SUCO: variants seen among roughly 807,000 people sequenced by gnomAD.
SUCO encodes SUN domain-containing ossification factor.
In SUCO, 57 loss-of-function variants were observed where a neutral mutation model predicts 148.1. The observed-to-expected ratio is 0.38, with a 90% CI of 0.31 to 0.48. The LOEUF (loss-of-function observed/expected upper bound fraction) is 0.48. Ranked by LOEUF, SUCO falls within the 20% of genes least tolerant of loss-of-function variation. The probability of loss-of-function intolerance (pLI) is 0.96; values close to 1 mark genes in which losing one functional copy is unlikely to be tolerated. For missense variants in SUCO, 1,331 were observed against 1,468.2 expected, an observed-to-expected ratio of 0.91 and a Z score of 1.53; for synonymous variants, 470 against 502.7, an observed-to-expected ratio of 0.93 and a Z score of 0.87.
chr1:172,560,682 C>G (rs1240069380), intron 6 of SUCO, among the ~76,000 whole-genome samples: 1 of 152,154 alleles, frequency 6.6e-6, no homozygotes, highest in Non-Finnish European at 1.5e-5. Flanking sequence ...CCTGAAGGGG[C>G]AAGAGTGGCT....
intron 15 of SUCO, among the ~76,000 whole-genome samples, chr1:172,579,473 T>TA (rs1454471038): frequency 6.6e-6 from 1 of 152,040 alleles, no homozygotes; most frequent in African/African-American, 2.4e-5. Flanking sequence ...GCAATCGTAA[T>TA]AAAGGTGTTT....
intron 1 of SUCO, chr1:172,550,935 T>G (rs963498504): frequency 2.2e-6 from 2 of 911,212 alleles, no homozygotes; most frequent in Non-Finnish European, 2.6e-6. Flanking sequence ...TGATAATAAT[T>G]GTGGTATATT....
chr1:172,553,425 G>A lies in SUCO; in HGVS notation c.288+55G>A, dbSNP rs1369964327. On this transcript the variant is annotated intron_variant, in intron 3 of 23. Transcript: ENST00000263688. ...TATGTCATTTCAAACTACTTTACAA[G>A]ATTGAAAACCTTTGGTCACCATATT... is the stretch of plus-strand genomic sequence containing the variant. 4.6e-6 allele frequency: 6 copies of A among 1,312,816 alleles called. No individual in the cohort carries two copies. In the Admixed American group the frequency reaches 6.1e-5, roughly 13 times the overall value. 81.3% of individuals were successfully genotyped at this position (1,312,816 alleles called of 1,614,324 possible).
chr1:172,589,079 G>A lies in SUCO; in HGVS notation c.1978G>A (p.Val660Met). 6.2e-7 allele frequency: 1 copy of A among 1,613,768 alleles called. No homozygotes were observed. The highest frequency in any genetic ancestry group is 1.1e-5 in the South Asian group (1 of 91,032). ...TALSKGKDYL[V>M]LAQPPLLLPA... ...TTTGAGTAAAGGAAAAGATTATCTT[G>A]TGTTAGCTCAACCACCCTTACTACT... The change falls in exon 18 of 24, where the codon GTG (valine) becomes ATG (methionine). Residue 660 changes from valine to methionine, a missense_variant. Coordinates refer to ENST00000263688, the MANE Select transcript of SUCO (RefSeq NM_014283.5).
chr1:172,541,665 T>C (rs1456529341), intron 1 of SUCO, among the ~76,000 whole-genome samples: 1 of 152,212 alleles, frequency 6.6e-6, no homozygotes, highest in Non-Finnish European at 1.5e-5. Flanking sequence ...TAACTGGATT[T>C]TAGTTTGCCT....
At chr1:172,572,940 T>C (rs553593883) in intron 9 of SUCO, among the ~76,000 whole-genome samples, 2 of 152,124 alleles carry the variant, frequency 1.3e-5, no homozygotes, top group Admixed American at 6.6e-5. Flanking sequence ...TTTTATATTA[T>C]GCACATGGAA....
chr1:172,575,380 G>A, intron 10 of SUCO, 138 bp from the exon 11 acceptor site: 1 of 568,730 alleles, frequency 1.8e-6, no homozygotes. Flanking sequence ...TGTATTAAAT[G>A]TATGTATTTA....
At position 172,573,950 on chromosome 1, in the gene SUCO, A is replaced by C; in HGVS notation, c.1109A>C (p.Glu370Ala). Residue 370 changes from glutamate to alanine, a missense_variant, in exon 10 of 24, where the codon GAA becomes GCA. By Grantham distance (107) the Glu-to-Ala change is moderately radical. Transcript: ENST00000263688. ...AAACAGCTTGATATTGCAAATTATG[A>C]ATTATTTTCTTCTACTCCTAAAGAT... The part of the protein sequence containing the change: ...QVKQLDIANY[E>A]LFSSTPKDFL... 6.2e-7 allele frequency: 1 copy of C among 1,601,564 alleles called. No homozygotes were observed. Among genetic ancestry groups the C allele is most frequent in the Non-Finnish European group, 8.5e-7 (1 of 1,171,488 alleles).
In SUCO at chr1:172,604,264, C is replaced by T. The variant is rs78020759; in HGVS notation, c.3265+1477C>T. Among the ~76,000 whole-genome samples the T allele has an allele frequency of 9.6e-3, 1,459 of 151,958 alleles. 26 individuals carry two copies. The highest frequency in any genetic ancestry group is 0.034 in the African/African-American group (1,391 of 41,502). On this transcript the variant is annotated intron_variant, in intron 22 of 23. Coordinates refer to ENST00000263688, the MANE Select transcript of SUCO (RefSeq NM_014283.5). ...TAGGGCCAAACAGAGTAGCTTTTTGCACCTGATAATAGAATTACTTCTATT... is the reference window on the plus strand; with the variant it reads ...TAGGGCCAAACAGAGTAGCTTTTTGTACCTGATAATAGAATTACTTCTATT...
At chr1:172,553,087 A>T in intron 2 of SUCO, 173 bp from the exon 3 acceptor site, 2 of 311,648 alleles carry the variant, frequency 6.4e-6, no homozygotes, top group Non-Finnish European at 9.4e-6. Context: ...TGTAGCAATG[A>T]GGGGATTCAA....
At chr1:172,546,578 C>T (rs1652877431) in intron 1 of SUCO, among the ~76,000 whole-genome samples, 1 of 152,292 alleles carries the variant, frequency 6.6e-6, no homozygotes, top group Admixed American at 6.5e-5. Flanking sequence ...AACCCCCGGT[C>T]CCTCACTTAT....
Position 172,559,247 on chromosome 1 carries a change from T to C in SUCO, c.732+1453T>C, listed in dbSNP as rs76280709. ...GTGCATTACAAAGTGATTTTTATTG[T>C]ATTTGTTCTCTTATTTGTTGCTAGG... On this transcript the variant is annotated intron_variant, in intron 6 of 23. Transcript: ENST00000263688. Among the ~76,000 whole-genome samples, 899 of 152,318 alleles carry C rather than the reference T, an allele frequency of 5.9e-3. 7 individuals carry two copies. The highest frequency in any genetic ancestry group is 0.021 in the African/African-American group (852 of 41,554).
intron 1 of SUCO, among the ~76,000 whole-genome samples, chr1:172,536,523 G>A (rs1652031588): frequency 6.6e-6 from 1 of 152,138 alleles, no homozygotes; most frequent in Non-Finnish European, 1.5e-5. Flanking sequence ...TGTGCCAGAT[G>A]TTTTTATGAG....
At chr1:172,536,213 T>C (rs1652001098) in intron 1 of SUCO, among the ~76,000 whole-genome samples, 1 of 152,184 alleles carries the variant, frequency 6.6e-6, no homozygotes, top group Admixed American at 6.5e-5. Flanking sequence ...GCTGTTAAGC[T>C]TCGGAGCTTA....
At chr1:172,568,749 G>A (rs1333222279) in intron 6 of SUCO, among the ~76,000 whole-genome samples, 1 of 151,980 alleles carries the variant, frequency 6.6e-6, no homozygotes, top group Non-Finnish European at 1.5e-5. Flanking sequence ...TTGCTTTAGA[G>A]TTTTATAAAT....
At chr1:172,577,139 C>G in intron 11 of SUCO, 1 of 328,830 alleles carries the variant, frequency 3.0e-6, no homozygotes, top group Non-Finnish European at 4.3e-6. Flanking sequence ...GCATATATAT[C>G]AATATATAAA....
chr1:172,593,812 C>T (rs961570617), intron 19 of SUCO, among the ~76,000 whole-genome samples: 2 of 152,180 alleles, frequency 1.3e-5, no homozygotes, highest in South Asian at 4.1e-4. Context: ...GGAGGATTCC[C>T]TCTTTTTCTG....
At chr1:172,532,872 G>A, upstream of SUCO, 3 of 1,508,484 alleles carry the variant, frequency 2.0e-6, no homozygotes, top group Non-Finnish European at 2.7e-6. Context: ...CCAGCAAGTG[G>A]GCGGGACCTG....
intron 20 of SUCO, 42 bp from the exon 21 acceptor site, chr1:172,602,022 A>G (rs768971102): frequency 6.5e-7 from 1 of 1,529,148 alleles, no homozygotes; most frequent in East Asian, 2.3e-5. Flanking sequence ...TTTTCCTAAT[A>G]TGATTTCCTA....
Sources: allele counts gnomAD v4.1 joint callset (sites outside exome capture counted in the v4.1 genomes callset), GRCh38; gene constraint gnomAD v4.1.1; transcripts MANE v1.5; gene names NCBI Gene and HGNC (gene_info 2026-07-23, HGNC 2026-07-21).